The following ABCB5 variants were observed in gnomAD, a reference collection of about 807,000 sequenced individuals.
ABCB5 encodes ATP binding cassette subfamily B member 5, also known as ATP-binding cassette sub-family B member 5.
In ABCB5, 155 loss-of-function variants were observed where a neutral mutation model predicts 144.2. The ratio of observed to expected loss-of-function variants is 1.08; its 90% CI spans 0.94 to 1.23. The LOEUF is 1.23. Ranked by LOEUF, ABCB5 falls within the 50% of genes most tolerant of loss-of-function variation. The probability of loss-of-function intolerance (pLI) is 0.00; values close to 1 mark genes in which losing one functional copy is unlikely to be tolerated. For synonymous variants in ABCB5, 610 were observed against 528.6 expected, an observed-to-expected ratio of 1.15 and a Z score of -2.11; for missense variants, 1,830 against 1,520.8, an observed-to-expected ratio of 1.20 and a Z score of -3.38.
At chr7:20,700,015 T>C in intron 18 of ABCB5, 43 bp from the exon 19 acceptor site, 1 of 1,604,448 alleles carries the variant, frequency 6.2e-7, no homozygotes, top group Non-Finnish European at 8.5e-7. Context: ...AACTAAATGT[T>C]ACAAAGGAAA....
Position 20,650,183 on chromosome 7 carries a change from T to G in ABCB5, c.1332+36T>G, listed in dbSNP as rs186986824. ...CTAGCAAAACCATGCACAGTCCACC[T>G]AATGGAATCTGGAAACACCGCAGGG... On this transcript the variant is annotated intron_variant, in intron 12 of 27. Transcript: ENST00000404938. 3 of 1,605,650 alleles carry G rather than the reference T, an allele frequency of 1.9e-6. No individual in the cohort carries two copies. In the Admixed American group the frequency reaches 5.1e-5, roughly 27 times the overall value.
chr7:20,621,296 T>C (rs144602068), intron 1 of ABCB5, among the ~76,000 whole-genome samples: 37 of 152,238 alleles, frequency 2.4e-4, no homozygotes, highest in African/African-American at 8.7e-4. Context: ...GAAAAAGTTC[T>C]GAAGATAGAT....
intron 14 of ABCB5, among the ~76,000 whole-genome samples, chr7:20,673,879 G>C (rs771981386): frequency 6.6e-6 from 1 of 151,852 alleles, no homozygotes; most frequent in Non-Finnish European, 1.5e-5. Flanking sequence ...GATTAAGTGA[G>C]TACTTTTTAT....
intron 7 of ABCB5, among the ~76,000 whole-genome samples, chr7:20,644,406 A>G (rs1322185746): frequency 1.3e-5 from 2 of 152,146 alleles, no homozygotes. Flanking sequence ...TAAGGCTTTC[A>G]ATTACATTTC....
intron 21 of ABCB5, among the ~76,000 whole-genome samples, chr7:20,726,494 G>A (rs1030633917): frequency 6.6e-6 from 1 of 150,442 alleles, no homozygotes. Flanking sequence ...AGCTTCCTGA[G>A]TAGCTGGGAT....
chr7:20,624,452 A>C (rs763391276), intron 2 of ABCB5, among the ~76,000 whole-genome samples: 1 of 152,230 alleles, frequency 6.6e-6, no homozygotes, highest in Non-Finnish European at 1.5e-5. Context: ...TACCAACAGC[A>C]AACTGCATCT....
intron 16 of ABCB5, among the ~76,000 whole-genome samples, chr7:20,695,814 G>A (rs1786392371): frequency 6.6e-6 from 1 of 151,782 alleles, no homozygotes; most frequent in African/African-American, 2.4e-5. Flanking sequence ...CACACAAAAA[G>A]ATGCCCAACG....
At chr7:20,727,174 A>C (rs754404880) in intron 22 of ABCB5, 34 bp downstream of exon 22, 1 of 1,542,564 alleles carries the variant, frequency 6.5e-7, no homozygotes, top group African/African-American at 1.4e-5. Flanking sequence ...TCAAAAACTT[A>C]ATTTTGTTCT....
In ABCB5 at chr7:20,710,389, G is replaced by C. The variant is rs1432275292; in HGVS notation, c.2421+5582G>C. Among the ~76,000 whole-genome samples, 19 of 118,870 alleles carry C rather than the reference G, an allele frequency of 1.6e-4. 2 individuals carry two copies. The highest frequency in any genetic ancestry group is 1.3e-3 in the East Asian group (4 of 3,072). The allele number at this position is 118,870 out of a possible 152,430, so 78.0% of individuals were successfully genotyped here. On this transcript the variant is annotated intron_variant, in intron 20 of 27. Transcript: ENST00000404938. ...CCTCAAAAAAAAAAAAAAGTGGGGGGGGGGCATGACTGTGTTTCAATAAAA... is the reference window on the plus strand; with the variant it reads ...CCTCAAAAAAAAAAAAAAGTGGGGGCGGGGCATGACTGTGTTTCAATAAAA...
chr7:20,724,806 T>C (rs1781985714), intron 21 of ABCB5, among the ~76,000 whole-genome samples: 1 of 152,116 alleles, frequency 6.6e-6, no homozygotes, highest in South Asian at 2.1e-4. Flanking sequence ...TGAATAGGGA[T>C]GCCAAGCACA....
intron 20 of ABCB5, among the ~76,000 whole-genome samples, chr7:20,719,898 T>C (rs934993333): frequency 1.3e-5 from 2 of 151,734 alleles, no homozygotes; most frequent in Non-Finnish European, 2.9e-5. Context: ...TCAAGAAATA[T>C]ACAGAAACAA....
chr7:20,660,672 T>A (rs1205833685), intron 14 of ABCB5, among the ~76,000 whole-genome samples: 2 of 152,164 alleles, frequency 1.3e-5, no homozygotes, highest in East Asian at 3.8e-4. Context: ...TCATTCCTGA[T>A]CAGCTGTCTA....
intron 14 of ABCB5, among the ~76,000 whole-genome samples, chr7:20,668,593 G>GGC (rs1785313611): frequency 7.0e-6 from 1 of 143,122 alleles, no homozygotes; most frequent in South Asian, 2.3e-4. Context: ...AGGGAGGTGG[G>GGC]GGGGGGGGTC....
chr7:20,713,196 C>A (rs546994994), intron 20 of ABCB5, among the ~76,000 whole-genome samples: 1 of 148,254 alleles, frequency 6.7e-6, no homozygotes, highest in Non-Finnish European at 1.5e-5. Context: ...TCATTTTTAT[C>A]CTTATCATAG....
rs779566714 is a variant in ABCB5 at position 20,643,480 on chromosome 7, G to A, written c.526G>A (p.Asp176Asn). 8.1e-6 allele frequency: 13 copies of A among 1,613,888 alleles called. No individual in the cohort carries two copies. The highest frequency in any genetic ancestry group is 1.7e-5 in the Admixed American group (1 of 60,000). ...RMTDDIDKIS[D>N]GIGDKIALLF... ...TTTCAGTGACATTGACAAAATCAGT[G>A]ATGGTATTGGAGATAAGATTGCTCT... Residue 176 changes from aspartate (D) to asparagine (N), a missense_variant, in exon 7 of 28, where the codon GAT becomes AAT. Coordinates refer to ENST00000404938, the MANE Select transcript of ABCB5 (RefSeq NM_001163941.2).
intron 3 of ABCB5, among the ~76,000 whole-genome samples, chr7:20,628,017 T>G (rs904218722): frequency 2.0e-5 from 3 of 152,220 alleles, no homozygotes. Context: ...TTTATTTTTA[T>G]TATTACTATA....
At chr7:20,659,036 T>A (rs372197329) in intron 14 of ABCB5, 1 of 1,608,624 alleles carries the variant, frequency 6.2e-7, no homozygotes, top group African/African-American at 1.3e-5. Context: ...ACCTGTGGGA[T>A]TCTCTTCTCT....
intron 16 of ABCB5, among the ~76,000 whole-genome samples, chr7:20,689,430 A>G (rs1786130535): frequency 6.6e-6 from 1 of 152,208 alleles, no homozygotes; most frequent in Admixed American, 6.5e-5. Context: ...TGGGGAAACT[A>G]CTGGCCACTG....
chr7:20,691,168 C>CTTTTTTT lies in ABCB5; in HGVS notation c.2010+5359_2010+5365dup, dbSNP rs58696871. ...GAAAACACAGACAAAACCCAGTGGA[C>CTTTTTTT]TTTTTTTTTTTTTTTTTTTTTTTTT... On this transcript the variant is annotated intron_variant, in intron 16 of 27. Coordinates refer to ENST00000404938, the MANE Select transcript of ABCB5 (RefSeq NM_001163941.2). Among the ~76,000 whole-genome samples the CTTTTTTT allele has an allele frequency of 2.2e-4, 10 of 46,116 alleles. 1 individual carries two copies. Among genetic ancestry groups the CTTTTTTT allele is most frequent in the Admixed American group, 4.3e-4 (1 of 2,320 alleles). 30.3% of individuals were successfully genotyped at this position (46,116 alleles called of 152,430 possible).
Sources: gnomAD v4.1 joint callset for allele counts (sites outside exome capture counted in the v4.1 genomes callset) on GRCh38, gnomAD v4.1.1 for gene constraint, MANE v1.5 for transcripts, NCBI Gene and HGNC (gene_info 2026-07-23, HGNC 2026-07-21) for gene names.